UGT2A1: variants seen among roughly 807,000 people sequenced by gnomAD.
UGT2A1 encodes UDP glucuronosyltransferase family 2 member A1 complex locus, also known as UDP-glucuronosyltransferase 2A1.
In UGT2A1, 61 loss-of-function variants were observed where a neutral mutation model predicts 45.4. That is an observed-to-expected ratio of 1.34 (90% CI 1.09 to 1.66). The LOEUF (loss-of-function observed/expected upper bound fraction) is 1.66. Ranked by LOEUF, UGT2A1 falls within the 40% of genes most tolerant of loss-of-function variation. The pLI, the probability that UGT2A1 is intolerant of heterozygous loss-of-function variation, is 0.00. For synonymous variants in UGT2A1, 229 were observed against 196.2 expected (o/e 1.17, Z -1.40); for missense variants, 649 against 574.3 (o/e 1.13, Z -1.33).
intron 3 of UGT2A1, among the ~76,000 whole-genome samples, chr4:69,627,521 GA>G (rs1721138259): frequency 2.4e-5 from 3 of 126,172 alleles, no homozygotes; most frequent in Non-Finnish European, 5.1e-5. Flanking sequence ...AAGAAAGAAA[GA>G]AGAAAGAAAG....
rs761991283 is a variant in UGT2A1, at chr4:69,640,364, A to G, written c.716-4542T>C. 6.6e-5 allele frequency among the ~76,000 whole-genome samples: 10 copies of G among 152,094 alleles called. No homozygotes were observed. In the East Asian group the frequency reaches 1.2e-3, roughly 18 times the overall value. On this transcript the variant is annotated intron_variant, in intron 2 of 6. Transcript: ENST00000286604. ...ATAGTATCTGTAAAGCTACTTTTCAATCTTCTTGGTACAGAGTAAGAGCGT... is the reference window on the plus strand; with the variant it reads ...ATAGTATCTGTAAAGCTACTTTTCAGTCTTCTTGGTACAGAGTAAGAGCGT...
chr4:69,618,469 T>C (rs1720548092), intron 3 of UGT2A1, among the ~76,000 whole-genome samples: 1 of 151,904 alleles, frequency 6.6e-6, no homozygotes, highest in Admixed American at 6.6e-5. Context: ...TCTAACTTTG[T>C]TTATTGAAAG....
chr4:69,614,385 C>T (rs575679417), intron 3 of UGT2A1, among the ~76,000 whole-genome samples: 2 of 151,864 alleles, frequency 1.3e-5, no homozygotes, highest in Non-Finnish European at 2.9e-5. Flanking sequence ...ATTAAAACGT[C>T]TATAGCACCC....
chr4:69,606,111 A>G, intron 3 of UGT2A1, among the ~76,000 whole-genome samples: 1 of 117,712 alleles, frequency 8.5e-6, no homozygotes, highest in Non-Finnish European at 1.9e-5. Context: ...CCTGGCAGAG[A>G]CACAACAAAA....
At chr4:69,619,693 A>G (rs974300602) in intron 3 of UGT2A1, among the ~76,000 whole-genome samples, 1 of 152,110 alleles carries the variant, frequency 6.6e-6, no homozygotes, top group East Asian at 1.9e-4. Context: ...CAGAAACACA[A>G]CAAAAAATAA....
At chr4:69,629,525 G>A (rs1246141490) in intron 3 of UGT2A1, among the ~76,000 whole-genome samples, 1 of 152,004 alleles carries the variant, frequency 6.6e-6, no homozygotes, top group Admixed American at 6.6e-5. Context: ...TGCTCTGAGG[G>A]TCTGGAGTCT....
At chr4:69,646,338 T>C (rs923169539) in intron 2 of UGT2A1, among the ~76,000 whole-genome samples, 2 of 151,892 alleles carry the variant, frequency 1.3e-5, no homozygotes, top group African/African-American at 4.8e-5. Context: ...TTGATTATAT[T>C]GTATTCATCA....
rs41292305 is a variant in UGT2A1, at chr4:69,589,513, G to A, written c.1443C>T (p.Leu481=). ...CCAAAGAGTGGTACTGGAACCAGGT[G>A]AGGTCATGGGCTGCAACCCGAAGGT... is the stretch of plus-strand genomic sequence containing the variant. The part of the protein sequence containing the change: ...AKHLRVAAHD[L]TWFQYHSLDV... The change falls in exon 7 of 7, where the codon CTC becomes CTT. Residue 481 remains leucine, a synonymous_variant. Coordinates refer to ENST00000286604, the MANE Select transcript of UGT2A1 (RefSeq NM_001252275.3). 55,789 of 1,614,044 alleles carry A rather than the reference G, an allele frequency of 0.035. 1,148 individuals are homozygous for A. Among genetic ancestry groups the A allele is most frequent in the Middle Eastern group, 0.048 (292 of 6,056 alleles).
intron 3 of UGT2A1, among the ~76,000 whole-genome samples, chr4:69,603,818 T>C (rs1329774883): frequency 7.3e-6 from 1 of 136,430 alleles, no homozygotes; most frequent in African/African-American, 3.0e-5. Context: ...AGGGTATCAG[T>C]GATGGAAGAT....
At chr4:69,615,815 T>A (rs977369565) in intron 3 of UGT2A1, among the ~76,000 whole-genome samples, 22 of 151,954 alleles carry the variant, frequency 1.4e-4, no homozygotes, top group Admixed American at 7.2e-4. Flanking sequence ...GGTGGGAATA[T>A]AAAATTGGTG....
intron 1 of UGT2A1, among the ~76,000 whole-genome samples, chr4:69,652,238 T>A (rs1384623007): frequency 6.6e-6 from 1 of 151,924 alleles, no homozygotes; most frequent in Non-Finnish European, 1.5e-5. Flanking sequence ...ACACAATTGG[T>A]TATTGCTTTT....
At chr4:69,616,050 G>A (rs954608372) in intron 3 of UGT2A1, among the ~76,000 whole-genome samples, 4 of 151,930 alleles carry the variant, frequency 2.6e-5, no homozygotes, top group Admixed American at 6.6e-5. Context: ...TGAAAATCCC[G>A]TCATTTGCAA....
At chr4:69,609,231 C>T (rs776962149) in intron 3 of UGT2A1, among the ~76,000 whole-genome samples, 12 of 151,636 alleles carry the variant, frequency 7.9e-5, no homozygotes, top group Non-Finnish European at 1.5e-4. Context: ...CAGCTCACTG[C>T]AGCCTTGACC....
chr4:69,641,219 A>G (rs1722033006), intron 2 of UGT2A1, among the ~76,000 whole-genome samples: 1 of 151,930 alleles, frequency 6.6e-6, no homozygotes, highest in Non-Finnish European at 1.5e-5. Context: ...CTTTTACGTA[A>G]TATCTGCAGG....
At chr4:69,608,453 G>A (rs1644355769) in intron 3 of UGT2A1, among the ~76,000 whole-genome samples, 1 of 151,570 alleles carries the variant, frequency 6.6e-6, no homozygotes, top group Admixed American at 6.6e-5. Flanking sequence ...ATAGCGTTGG[G>A]AAATATACCT....
chr4:69,602,247 A>T (rs1719337372), intron 3 of UGT2A1, among the ~76,000 whole-genome samples: 1 of 136,764 alleles, frequency 7.3e-6, no homozygotes. Flanking sequence ...AAATTCTATT[A>T]GTAAACTACA....
chr4:69,616,992 G>T (rs541764254), intron 3 of UGT2A1, among the ~76,000 whole-genome samples: 16 of 151,926 alleles, frequency 1.1e-4, no homozygotes, highest in Non-Finnish European at 2.2e-4. Flanking sequence ...TAGTTAAAAT[G>T]TAGGTGAATG....
chr4:69,637,596 G>A, intron 2 of UGT2A1, among the ~76,000 whole-genome samples: 1 of 152,000 alleles, frequency 6.6e-6, no homozygotes, highest in Admixed American at 6.6e-5. Flanking sequence ...TCTTTCATTT[G>A]ATACTTTCTC....
At chr4:69,647,824 C>T in intron 1 of UGT2A1, 126 bp from the exon 2 acceptor site, 1 of 461,878 alleles carries the variant, frequency 2.2e-6, no homozygotes, top group Non-Finnish European at 3.8e-6. Flanking sequence ...AGGATATTTA[C>T]AGATTTATGG....
Sources: allele counts gnomAD v4.1 joint callset (sites outside exome capture counted in the v4.1 genomes callset), GRCh38; gene constraint gnomAD v4.1.1; transcripts MANE v1.5; gene names NCBI Gene and HGNC (gene_info 2026-07-23, HGNC 2026-07-21).